The following EXT1 variants were observed in gnomAD, a reference collection of about 807,000 sequenced individuals.
EXT1 encodes the protein exostosin glycosyltransferase 1.
A neutral mutation model predicts 82.5 loss-of-function variants in EXT1; 20 were observed. The observed-to-expected ratio is 0.24, with a 90% CI of 0.17 to 0.35. The LOEUF (loss-of-function observed/expected upper bound fraction) is 0.35. Ranked by LOEUF, EXT1 falls within the 10% of genes least tolerant of loss-of-function variation. The pLI, the probability that EXT1 is intolerant of heterozygous loss-of-function variation, is 1.00. For missense variants in EXT1, 757 were observed against 936.5 expected (o/e 0.81, Z 2.50); for synonymous variants, 348 against 350.8 (o/e 0.99, Z 0.09).
chr8:117,932,466 C>A (rs2129651899), intron 1 of EXT1, among the ~76,000 whole-genome samples: 2 of 152,236 alleles, frequency 1.3e-5, no homozygotes, highest in Middle Eastern at 6.8e-3. Flanking sequence ...CTATACCATA[C>A]AACTGCTAAG....
Position 118,000,456 on chromosome 8 carries a change from T to C in EXT1, c.962+109629A>G, listed in dbSNP as rs116782107. On this transcript the variant is annotated intron_variant, in intron 1 of 10. Coordinates refer to ENST00000378204, the MANE Select transcript of EXT1 (RefSeq NM_000127.3). ...AAGGGATGCCTAGAGTTGCAAGCCT[T>C]GGTTCCACTTTACACACCTCTCTGT... is the stretch of plus-strand genomic sequence containing the variant. Among the ~76,000 whole-genome samples the C allele has an allele frequency of 1.6e-3, 244 of 152,326 alleles. 1 individual carries two copies. The highest frequency in any genetic ancestry group is 5.5e-3 in the African/African-American group (227 of 41,572).
chr8:117,826,460 G>A (rs1812009687), intron 4 of EXT1, among the ~76,000 whole-genome samples: 1 of 152,176 alleles, frequency 6.6e-6, no homozygotes, highest in African/African-American at 2.4e-5. Context: ...TGCCTTAGTA[G>A]CTCCAGCAGT....
At chr8:117,994,568 G>A (rs1815499237) in intron 1 of EXT1, among the ~76,000 whole-genome samples, 3 of 152,132 alleles carry the variant, frequency 2.0e-5, no homozygotes, top group Non-Finnish European at 4.4e-5. Flanking sequence ...CCATGATCAT[G>A]CCACTAGACC....
At chr8:117,975,605 C>A (rs17431076) in intron 1 of EXT1, among the ~76,000 whole-genome samples, 3 of 152,070 alleles carry the variant, frequency 2.0e-5, no homozygotes, top group Non-Finnish European at 4.4e-5. Context: ...CACCACCCCC[C>A]ACTCCCTTCC....
Position 117,799,542 on chromosome 8 carries a change from A to T in EXT1, c.*170T>A. 1 of 697,488 alleles carries T rather than the reference A, an allele frequency of 1.4e-6. No individual in the cohort carries two copies. The highest frequency in any genetic ancestry group is 2.4e-6 in the Non-Finnish European group (1 of 412,312). The allele number at this position is 697,488 out of a possible 1,614,324, so 43.2% of individuals were successfully genotyped here. ...TGGAGCAGTCTGGTGCAGTCCCAGGAGCCAGGAGTTGAGTTCTCATTGGCC... is the reference window on the plus strand; with the variant it reads ...TGGAGCAGTCTGGTGCAGTCCCAGGTGCCAGGAGTTGAGTTCTCATTGGCC... On this transcript the variant is annotated 3_prime_UTR_variant, in exon 11 of 11. Coordinates refer to ENST00000378204, the MANE Select transcript of EXT1 (RefSeq NM_000127.3).
intron 1 of EXT1, among the ~76,000 whole-genome samples, chr8:117,903,865 G>T (rs28357275): frequency 6.6e-6 from 1 of 152,012 alleles, no homozygotes; most frequent in Admixed American, 6.5e-5. Flanking sequence ...GAACTATAAA[G>T]GATGTTCTAA....
intron 1 of EXT1, among the ~76,000 whole-genome samples, chr8:117,937,672 G>A (rs1399889297): frequency 2.6e-5 from 4 of 152,218 alleles, no homozygotes; most frequent in Non-Finnish European, 4.4e-5. Context: ...TGTATGCAAC[G>A]CGTTCAGAGC....
intron 1 of EXT1, among the ~76,000 whole-genome samples, chr8:117,991,193 C>T (rs186842013): frequency 8.5e-5 from 13 of 152,140 alleles, no homozygotes; most frequent in African/African-American, 2.9e-4. Flanking sequence ...TCACTGCAAC[C>T]TCCACATCCC....
Position 118,095,883 on chromosome 8 carries a change from TAAAC to T in EXT1, c.962+14198_962+14201del, listed in dbSNP as rs1817602137. 2.0e-5 allele frequency among the ~76,000 whole-genome samples: 3 copies of T among 152,058 alleles called. No homozygotes were observed. In the South Asian group the frequency reaches 6.2e-4, roughly 32 times the overall value. On this transcript the variant is annotated intron_variant, in intron 1 of 10. Coordinates refer to ENST00000378204, the MANE Select transcript of EXT1 (RefSeq NM_000127.3). ...CAATATCCCACAGGATTCTACAAAC[TAAAC>T]AAACAAGCCACGATTTTAAATGGAG...
rs904727898 is a variant in EXT1 at position 117,972,175 on chromosome 8, A to G, written c.963-134974T>C. Among the ~76,000 whole-genome samples the G allele has an allele frequency of 2.0e-5, 3 of 151,752 alleles. No homozygotes were observed. The East Asian group carries it at 5.8e-4, about 29-fold the overall frequency. On this transcript the variant is annotated intron_variant, in intron 1 of 10. Transcript: ENST00000378204. ...AAAAAAAAAAAAAGAAAGAAAGAAA[A>G]AAAAGAAAAATGAAAAACAGAAAAA...
intron 1 of EXT1, among the ~76,000 whole-genome samples, chr8:117,919,536 G>C (rs1367358972): frequency 1.5e-5 from 2 of 137,170 alleles, no homozygotes; most frequent in Admixed American, 1.6e-4. Context: ...ACAAGGTTTT[G>C]CTCAGTTGCT....
intron 1 of EXT1, among the ~76,000 whole-genome samples, chr8:117,908,436 C>T (rs757477663): frequency 6.6e-6 from 1 of 151,964 alleles, no homozygotes; most frequent in Non-Finnish European, 1.5e-5. Context: ...TCAAGACCAG[C>T]CTGGGCAACA....
intron 1 of EXT1, among the ~76,000 whole-genome samples, chr8:117,940,639 AG>A (rs1427484701): frequency 6.6e-6 from 1 of 152,190 alleles, no homozygotes; most frequent in Non-Finnish European, 1.5e-5. Context: ...CAGTGATACA[AG>A]GTGATCTTGA....
At chr8:118,022,660 T>C (rs1402316501) in intron 1 of EXT1, among the ~76,000 whole-genome samples, 1 of 151,972 alleles carries the variant, frequency 6.6e-6, no homozygotes, top group Admixed American at 6.6e-5. Flanking sequence ...AGATATATTA[T>C]TAATTCCTCT....
At chr8:118,003,396 T>C (rs1384690938) in intron 1 of EXT1, among the ~76,000 whole-genome samples, 2 of 149,230 alleles carry the variant, frequency 1.3e-5, no homozygotes, top group Non-Finnish European at 3.0e-5. Context: ...CAAAAACCTA[T>C]TGAAATAAAA....
At chr8:117,999,003 G>A (rs555440253) in intron 1 of EXT1, among the ~76,000 whole-genome samples, 10 of 152,304 alleles carry the variant, frequency 6.6e-5, no homozygotes, top group East Asian at 1.9e-4. Context: ...GAGTAGGCCC[G>A]TGATCAATGT....
chr8:118,094,201 T>C (rs540697718), intron 1 of EXT1, among the ~76,000 whole-genome samples: 1 of 152,284 alleles, frequency 6.6e-6, no homozygotes, highest in African/African-American at 2.4e-5. Context: ...GTGGGAAACA[T>C]AATACTTTTG....
In EXT1 at chr8:118,110,687, T is replaced by G. The variant is rs766832416; in HGVS notation, c.360A>C (p.Pro120=). 12 of 1,614,024 alleles carry G rather than the reference T, an allele frequency of 7.4e-6. No homozygotes were observed. Among genetic ancestry groups the G allele is most frequent in the Non-Finnish European group, 1.0e-5 (12 of 1,180,038 alleles). Residue 120 remains proline (P), a synonymous_variant, in exon 1 of 11, where the codon CCA becomes CCC. Transcript: ENST00000378204. ...CGGCGATTTTCTCCCCTTTTTGCTG[T>G]GGGTATACGTAGACTTTGAAGCCGT... The part of the protein sequence containing the change: ...KKNGFKVYVY[P]QQKGEKIAES...
At chr8:117,915,763 C>T (rs1383770346) in intron 1 of EXT1, among the ~76,000 whole-genome samples, 1 of 151,986 alleles carries the variant, frequency 6.6e-6, no homozygotes, top group African/African-American at 2.4e-5. Flanking sequence ...GGCTGAGGCA[C>T]GAGACTCTCT....
Sources: allele counts gnomAD v4.1 joint callset (sites outside exome capture counted in the v4.1 genomes callset), GRCh38; gene constraint gnomAD v4.1.1; transcripts MANE v1.5; gene names NCBI Gene and HGNC (gene_info 2026-07-23, HGNC 2026-07-21).